Variants in INSL6 observed in about 807,000 individuals in gnomAD.
The protein encoded by INSL6 is insulin-like peptide INSL6.
A neutral mutation model predicts 9.4 loss-of-function variants in INSL6; 16 were observed. The ratio of observed to expected loss-of-function variants is 1.70; its 90% confidence interval spans 1.15 to 2.59. The LOEUF is 2.59. Ranked by LOEUF, INSL6 falls within the 30% of genes most tolerant of loss-of-function variation. The probability of loss-of-function intolerance (pLI) is 0.00; values close to 1 mark genes in which losing one functional copy is unlikely to be tolerated. For synonymous variants in INSL6, 154 were observed against 96.9 expected, an observed-to-expected ratio of 1.59 and a Z score of -3.46; for missense variants, 391 against 257.3, an observed-to-expected ratio of 1.52 and a Z score of -3.56.
chr9:5,085,725 G>T, the INSL6 span: 1 of 752,160 alleles, frequency 1.3e-6, no homozygotes, highest in Non-Finnish European at 2.5e-6. Flanking sequence ...GATCATTTCT[G>T]CAATTAAGGC....
chr9:5,081,721 C>A, the INSL6 span: 1 of 1,582,580 alleles, frequency 6.3e-7, no homozygotes, highest in Non-Finnish European at 8.7e-7. Context: ...CTTTATTTCT[C>A]CAGATTATGA....
Position 5,174,754 on chromosome 9 carries a change from C to T in INSL6, c.290-10489G>A, listed in dbSNP as rs532223683. 1.2e-4 allele frequency among the ~76,000 whole-genome samples: 19 copies of T among 152,238 alleles called. 1 individual carries two copies. The highest frequency in any genetic ancestry group is 8.3e-4 in the South Asian group (4 of 4,808). On this transcript the variant is annotated intron_variant, in intron 1 of 1. Coordinates refer to ENST00000381641, the MANE Select transcript of INSL6 (RefSeq NM_007179.3). ...TACCTTACTTCCTACTCAACAAGTC[C>T]ACATTAATGTTTCAAACTCAACATT... is the stretch of plus-strand genomic sequence containing the variant.
chr9:5,077,696 A>C, the INSL6 span: 1 of 587,426 alleles, frequency 1.7e-6, no homozygotes, highest in Non-Finnish European at 2.7e-6. Flanking sequence ...ATTCATGTAA[A>C]ATAGTCTGTG....
the INSL6 span, among the ~76,000 whole-genome samples, chr9:5,092,271 A>AG: frequency 6.6e-6 from 1 of 152,278 alleles, no homozygotes; most frequent in African/African-American, 2.4e-5. Flanking sequence ...AGGTTGAATA[A>AG]GGCCACGAAG....
chr9:5,185,339 C>T lies in INSL6; in HGVS notation c.264G>A (p.Pro88=). 3 of 1,614,068 alleles carry T rather than the reference C, an allele frequency of 1.9e-6. No individual in the cohort carries two copies. The highest frequency in any genetic ancestry group is 2.5e-6 in the Non-Finnish European group (3 of 1,180,016). The change falls in exon 1 of 2, where the codon CCG becomes CCA. Residue 88 remains proline, a synonymous_variant. Transcript: ENST00000381641. Reference sequence around the variant, plus strand: ...CTGGGTTTGTGCCTCTTCCCCGGGCCGGGGAAGCGGTTTGCGGGCTTTCGA... The same window carrying T: ...CTGGGTTTGTGCCTCTTCCCCGGGCTGGGGAAGCGGTTTGCGGGCTTTCGA... ...YQFESPQTAS[P]ARGRGTNPVS... is the part of the protein sequence containing the mutation.
At chr9:5,159,046 T>C (rs932199266), downstream of INSL6, among the ~76,000 whole-genome samples, 1 of 152,196 alleles carries the variant, frequency 6.6e-6, no homozygotes, top group African/African-American at 2.4e-5. Context: ...TGTTTGTTTA[T>C]GCATCAGTAT....
the INSL6 span, among the ~76,000 whole-genome samples, chr9:5,004,180 G>A: frequency 6.6e-6 from 1 of 152,020 alleles, no homozygotes; most frequent in Non-Finnish European, 1.5e-5. Flanking sequence ...TCAAGTATAC[G>A]ATATATTGTT....
At chr9:5,104,558 T>A in the INSL6 span, among the ~76,000 whole-genome samples, 165 of 152,316 alleles carry the variant, frequency 1.1e-3, no homozygotes, top group Non-Finnish European at 1.5e-3. Context: ...TAACTCATTT[T>A]ATGAGGCCAG....
At chr9:5,113,259 C>G in the INSL6 span, among the ~76,000 whole-genome samples, 1 of 126,834 alleles carries the variant, frequency 7.9e-6, no homozygotes, top group Non-Finnish European at 1.6e-5. Context: ...AAAACATACA[C>G]TTTGTCAGAA....
At chr9:5,124,135 A>T (rs987678887) in exon 4 of INSL6, among the ~76,000 whole-genome samples, 3 of 151,732 alleles carry the variant, frequency 2.0e-5, no homozygotes, top group African/African-American at 7.3e-5. Context: ...AAAGTTTGCA[A>T]ATATTTTCTC....
At chr9:5,112,407 G>A in the INSL6 span, 1 of 467,760 alleles carries the variant, frequency 2.1e-6, no homozygotes, top group Non-Finnish European at 4.0e-6. Context: ...GGAGGAGGAT[G>A]AGGAGAACAC....
rs1411836907 is a variant in INSL6 at position 5,126,303 on chromosome 9, CA to C, written c.*11-1793del. ...AGAATTTTGCTACAAATTAAATGTA[CA>C]AAAAATATTGAAAGTGGGTTTGTTT... On this transcript the variant is annotated intron_variant, in intron 3 of 3. Transcript: ENST00000649639. The C allele has an allele frequency of 6.8e-6, 10 of 1,477,880 alleles. No individual in the cohort carries two copies. The African/African-American group carries it at 1.1e-4, about 17-fold the overall frequency. 91.5% of individuals were successfully genotyped at this position (1,477,880 alleles called of 1,614,324 possible).
the INSL6 span, among the ~76,000 whole-genome samples, chr9:5,060,923 C>T: frequency 6.6e-6 from 1 of 152,200 alleles, no homozygotes; most frequent in African/African-American, 2.4e-5. Flanking sequence ...CCATGGGCTA[C>T]AGAATGGATG....
At chr9:5,156,269 T>TAAATCATATAA (rs1332418181) in intron 2 of INSL6, among the ~76,000 whole-genome samples, 2 of 152,088 alleles carry the variant, frequency 1.3e-5, no homozygotes, top group African/African-American at 4.8e-5. Flanking sequence ...AAGCAAGAAA[T>TAAATCATATAA]AAATCATATA....
the INSL6 span, among the ~76,000 whole-genome samples, chr9:5,093,351 C>T: frequency 7.9e-5 from 12 of 152,254 alleles, no homozygotes; most frequent in Middle Eastern, 3.4e-3. Flanking sequence ...ATATGTTCAA[C>T]GACCACCATA....
chr9:5,083,337 T>C, the INSL6 span, among the ~76,000 whole-genome samples: 5 of 152,162 alleles, frequency 3.3e-5, no homozygotes, highest in African/African-American at 1.2e-4. Context: ...GCTCAGTTCT[T>C]AGTAGGTCCA....
At chr9:5,050,874 G>T in the INSL6 span, 4 of 1,500,376 alleles carry the variant, frequency 2.7e-6, no homozygotes, top group Non-Finnish European at 3.7e-6. Flanking sequence ...TGTGAGTAGA[G>T]ATTTTATATA....
chr9:5,109,068 G>A, the INSL6 span: 8 of 151,960 alleles, frequency 5.3e-5, no homozygotes, highest in Non-Finnish European at 8.8e-5. Context: ...TGTGATCATG[G>A]CTTCATTCTC....
chr9:5,010,324 A>G, the INSL6 span, among the ~76,000 whole-genome samples: 1 of 149,610 alleles, frequency 6.7e-6, no homozygotes, highest in Non-Finnish European at 1.5e-5. Flanking sequence ...AACAATTGTC[A>G]GTTGTCTTTT....
Sources: gnomAD v4.1 joint callset for allele counts (sites outside exome capture counted in the v4.1 genomes callset) on GRCh38, gnomAD v4.1.1 for gene constraint, MANE v1.5 for transcripts, NCBI Gene and HGNC (gene_info 2026-07-23, HGNC 2026-07-21) for gene names.